Variants in COQ8A observed in about 807,000 individuals in gnomAD.
COQ8A encodes the protein atypical kinase COQ8A, mitochondrial.
Under a neutral mutation model 65.0 loss-of-function variants are expected in COQ8A, and 51 were observed. The observed-to-expected ratio is 0.78, with a 90% CI of 0.63 to 0.99. The LOEUF is 0.99. Among genes scored for constraint, COQ8A ranks in the 50% least tolerant of loss-of-function variants. The pLI is 0.00. For synonymous variants in COQ8A, 371 were observed against 353.2 expected (o/e 1.05, Z -0.57); for missense variants, 940 against 875.0 (o/e 1.07, Z -0.94).
At chr1:226,982,331 A>G in intron 6 of COQ8A, 182 bp downstream of exon 6, 1 of 939,300 alleles carries the variant, frequency 1.1e-6, no homozygotes, top group East Asian at 2.6e-5. Context: ...AAAGAAACAC[A>G]TGGAATAAAG....
At chr1:226,947,800 AATAT>A (rs5781451) in intron 1 of COQ8A, among the ~76,000 whole-genome samples, 1 of 60,574 alleles carries the variant, frequency 1.7e-5, no homozygotes, top group East Asian at 2.5e-4. Flanking sequence ...GTCTCAAAAA[AATAT>A]ATATATATAT....
At chr1:226,957,478 T>C (rs1340698894) in intron 1 of COQ8A, among the ~76,000 whole-genome samples, 5 of 152,152 alleles carry the variant, frequency 3.3e-5, no homozygotes, top group Non-Finnish European at 1.5e-5. Context: ...TATAATGCTG[T>C]GCTCTGTATT....
At chr1:226,973,979 A>G (rs1193927518) in intron 4 of COQ8A, among the ~76,000 whole-genome samples, 1 of 152,196 alleles carries the variant, frequency 6.6e-6, no homozygotes. Context: ...AAGGAACTTT[A>G]CTTACTCACC....
chr1:226,944,999 A>G (rs1019713115), intron 1 of COQ8A, among the ~76,000 whole-genome samples: 2 of 152,046 alleles, frequency 1.3e-5, no homozygotes, highest in East Asian at 1.9e-4. Flanking sequence ...ACCTCTCACT[A>G]TTTCATAGAA....
chr1:226,962,277 C>G (rs1463578003), intron 2 of COQ8A, among the ~76,000 whole-genome samples: 1 of 152,212 alleles, frequency 6.6e-6, no homozygotes, highest in Non-Finnish European at 1.5e-5. Flanking sequence ...CATCTCCAGC[C>G]TCTCTCTCAT....
rs1659781682 is a variant in COQ8A at position 226,982,760 on chromosome 1, G to T, written c.936G>T (p.Met312Ile). The T allele has an allele frequency of 6.2e-7, 1 of 1,613,486 alleles. No homozygotes were observed. The highest frequency in any genetic ancestry group is 1.3e-5 in the African/African-American group (1 of 74,948). Reference sequence around the variant, plus strand: ...CGGACTTCATGCCACTGAAGCAGATGATGGTGAGGAGCCAGGGGCTCTGCC... The same window carrying T: ...CGGACTTCATGCCACTGAAGCAGATTATGGTGAGGAGCCAGGGGCTCTGCC... ...QSADFMPLKQ[M>I]MKTLNNDLGP... The change falls in exon 7 of 15, where the codon ATG becomes ATT. Residue 312 changes from methionine (M) to isoleucine (I), a missense_variant. Coordinates refer to ENST00000366777, the MANE Select transcript of COQ8A (RefSeq NM_020247.5).
At chr1:226,977,028 G>A (rs1659277634) in intron 4 of COQ8A, among the ~76,000 whole-genome samples, 1 of 152,200 alleles carries the variant, frequency 6.6e-6, no homozygotes, top group Admixed American at 6.5e-5. Context: ...AGGCTCTTCA[G>A]ACAGACCTGA....
rs573570277 is a variant in COQ8A at position 226,979,572 on chromosome 1, G to A, written c.730+2049G>A. Reference sequence around the variant, plus strand: ...TCTGGTATCACGCCCTTCCACCCCCGTCCATGGGGACCCCCAGAGACACCC... The same window carrying A: ...TCTGGTATCACGCCCTTCCACCCCCATCCATGGGGACCCCCAGAGACACCC... On this transcript the variant is annotated intron_variant, in intron 5 of 14. Coordinates refer to ENST00000366777, the MANE Select transcript of COQ8A (RefSeq NM_020247.5). Among the ~76,000 whole-genome samples, 9 of 152,228 alleles carry A rather than the reference G, an allele frequency of 5.9e-5. No individual in the cohort carries two copies. The East Asian group carries it at 7.8e-4, about 13-fold the overall frequency.
intron 12 of COQ8A, 27 bp downstream of exon 12, chr1:226,984,682 A>G: frequency 1.3e-6 from 2 of 1,599,842 alleles, no homozygotes; most frequent in Non-Finnish European, 1.7e-6. Context: ...GGGCACCCGC[A>G]GCCAGGCCTG....
chr1:226,943,608 G>A (rs1475628206), intron 1 of COQ8A, among the ~76,000 whole-genome samples: 1 of 152,230 alleles, frequency 6.6e-6, no homozygotes. Context: ...ATCAGGGGGA[G>A]GAGCTGGTTG....
At chr1:226,954,382 C>T (rs1164853520) in intron 1 of COQ8A, among the ~76,000 whole-genome samples, 2 of 152,260 alleles carry the variant, frequency 1.3e-5, no homozygotes, top group East Asian at 3.8e-4. Flanking sequence ...CCTCTGCTCC[C>T]CTTCCCTCTC....
chr1:226,966,640 A>ATGGTGC (rs1658583570), intron 4 of COQ8A, among the ~76,000 whole-genome samples: 1 of 152,076 alleles, frequency 6.6e-6, no homozygotes, highest in African/African-American at 2.4e-5. Context: ...GTGGTCCATG[A>ATGGTGC]TGGTGCTGGT....
rs863223883 is a variant in COQ8A at position 226,965,319 on chromosome 1, A to G, written c.497A>G (p.Asp166Gly). The G allele has an allele frequency of 6.2e-7, 1 of 1,613,636 alleles. No homozygotes were observed. The highest frequency in any genetic ancestry group is 1.3e-5 in the African/African-American group (1 of 74,946). ...TTTCAGCGAAGGTTCTTCCACCAGG[A>G]CCAATCCCCTGTTGGGGGCCTCACA... ...MGFQRRFFHQ[D>G]QSPVGGLTAE... Residue 166 changes from aspartate (D) to glycine (G), a missense_variant, in exon 3 of 15, where the codon GAC (aspartate) becomes GGC (glycine). Coordinates refer to ENST00000366777, the MANE Select transcript of COQ8A (RefSeq NM_020247.5).
chr1:226,961,599 A>G (rs1572040576), intron 2 of COQ8A, 37 bp downstream of exon 2: 2 of 1,586,234 alleles, frequency 1.3e-6, no homozygotes, highest in African/African-American at 1.3e-5. Flanking sequence ...TGCTGGCAGG[A>G]AGAGGGTGGG....
chr1:226,964,939 A>T (rs1351942774), intron 2 of COQ8A, 61 bp from the exon 3 acceptor site: 1 of 1,589,142 alleles, frequency 6.3e-7, no homozygotes, highest in Non-Finnish European at 8.6e-7. Context: ...AGCAGGGGAC[A>T]GGCAGGGAGG....
intron 1 of COQ8A, among the ~76,000 whole-genome samples, chr1:226,942,069 C>T (rs899964009): frequency 6.6e-6 from 1 of 152,000 alleles, no homozygotes; most frequent in Non-Finnish European, 1.5e-5. Flanking sequence ...AGACTAGCAC[C>T]GCTCCCCACC....
intron 11 of COQ8A, 43 bp downstream of exon 11, chr1:226,984,278 C>T: frequency 6.2e-7 from 1 of 1,610,256 alleles, no homozygotes; most frequent in Non-Finnish European, 8.5e-7. Context: ...GGTGGCCCTG[C>T]TGTGTGGCTG....
chr1:226,964,893 G>T (rs1189284782), intron 2 of COQ8A, 107 bp from the exon 3 acceptor site: 2 of 1,315,016 alleles, frequency 1.5e-6, no homozygotes, highest in Non-Finnish European at 2.1e-6. Context: ...CTGGAGGTGG[G>T]AGGGGGCGGG....
chr1:226,953,227 A>G (rs1657497440), intron 1 of COQ8A, among the ~76,000 whole-genome samples: 2 of 151,994 alleles, frequency 1.3e-5, no homozygotes, highest in Non-Finnish European at 2.9e-5. Context: ...ATGGGGTTTC[A>G]CCATGTTGGT....
Sources: allele counts gnomAD v4.1 joint callset (sites outside exome capture counted in the v4.1 genomes callset), GRCh38; gene constraint gnomAD v4.1.1; transcripts MANE v1.5; gene names NCBI Gene and HGNC (gene_info 2026-07-23, HGNC 2026-07-21).